The following SLC2A13 variants were observed in gnomAD, a reference collection of about 807,000 sequenced individuals.
SLC2A13 encodes the protein proton myo-inositol cotransporter.
In SLC2A13, 32 loss-of-function variants were observed where a neutral mutation model predicts 64.4. The ratio of observed to expected loss-of-function variants is 0.50; its 90% confidence interval spans 0.37 to 0.67. The LOEUF (loss-of-function observed/expected upper bound fraction) is 0.67. Ranked by LOEUF, SLC2A13 falls within the 30% of genes least tolerant of loss-of-function variation. The probability of loss-of-function intolerance (pLI) is 0.00; values close to 1 mark genes in which losing one functional copy is unlikely to be tolerated. For missense variants in SLC2A13, 743 were observed against 829.2 expected, an observed-to-expected ratio of 0.90 and a Z score of 1.28; for synonymous variants, 338 against 327.1, an observed-to-expected ratio of 1.03 and a Z score of -0.36.
intron 7 of SLC2A13, among the ~76,000 whole-genome samples, chr12:39,775,445 T>G (rs1940741248): frequency 6.6e-6 from 1 of 152,252 alleles, no homozygotes; most frequent in African/African-American, 2.4e-5. Context: ...CTCTGGTCAT[T>G]GTGAAGTTAA....
In SLC2A13 at chr12:39,823,315, C is replaced by T. The variant is rs113913058; in HGVS notation, c.1445+6788G>A. 2.5e-3 allele frequency among the ~76,000 whole-genome samples: 378 copies of T among 152,226 alleles called. 3 individuals are homozygous for T. The highest frequency in any genetic ancestry group is 8.7e-3 in the African/African-American group (361 of 41,526). ...GGAACACAGCTGGAGGTTTTTCTAT[C>T]CCTTATGTGACTAACTGATAAAAAT... On this transcript the variant is annotated intron_variant, in intron 7 of 9. Transcript: ENST00000280871.
At chr12:40,076,193 C>T (rs17489480) in intron 1 of SLC2A13, among the ~76,000 whole-genome samples, 4 of 152,280 alleles carry the variant, frequency 2.6e-5, no homozygotes, top group African/African-American at 9.6e-5. Context: ...CTTAAAAGTG[C>T]AGGTTTGTTA....
chr12:39,950,223 A>G (rs746203316), intron 4 of SLC2A13: 1 of 152,190 alleles, frequency 6.6e-6, no homozygotes, highest in Non-Finnish European at 1.5e-5. Flanking sequence ...ACAGTCACTA[A>G]ATAACTCATC....
chr12:39,904,448 A>G (rs1310573138), intron 4 of SLC2A13, among the ~76,000 whole-genome samples: 4 of 152,254 alleles, frequency 2.6e-5, no homozygotes, highest in African/African-American at 9.6e-5. Context: ...TTCTAAGGAC[A>G]GTAGTCCCAG....
In SLC2A13 at chr12:39,914,124, T is replaced by C. The variant is rs566921763; in HGVS notation, c.1034+37133A>G. Reference sequence around the variant, plus strand: ...AACAAGCAAGAACTAGCAAGAAAAATGACAAAACACTGAAGAGCTGAATGA... The same window carrying C: ...AACAAGCAAGAACTAGCAAGAAAAACGACAAAACACTGAAGAGCTGAATGA... On this transcript the variant is annotated intron_variant, in intron 4 of 9. Coordinates refer to ENST00000280871, the MANE Select transcript of SLC2A13 (RefSeq NM_052885.4). Among the ~76,000 whole-genome samples, 150 of 151,866 alleles carry C rather than the reference T, an allele frequency of 9.9e-4. 3 individuals carry two copies. The highest frequency in any genetic ancestry group is 3.3e-3 in the African/African-American group (138 of 41,364).
chr12:39,876,526 G>A (rs1450419918), intron 4 of SLC2A13, among the ~76,000 whole-genome samples: 4 of 151,810 alleles, frequency 2.6e-5, no homozygotes, highest in Non-Finnish European at 5.9e-5. Flanking sequence ...AAGAAATTAA[G>A]AATAATTATA....
At chr12:39,807,742 T>G (rs146890581) in intron 7 of SLC2A13, among the ~76,000 whole-genome samples, 97 of 152,258 alleles carry the variant, frequency 6.4e-4, no homozygotes, top group African/African-American at 2.2e-3. Flanking sequence ...CCCTTTCAAT[T>G]ATAATAATTA....
chr12:39,931,406 C>T (rs996370182), intron 4 of SLC2A13, among the ~76,000 whole-genome samples: 2 of 152,198 alleles, frequency 1.3e-5, no homozygotes, highest in Admixed American at 6.5e-5. Flanking sequence ...TTTCCAACAG[C>T]CCTATTCGCC....
intron 3 of SLC2A13, among the ~76,000 whole-genome samples, chr12:40,022,894 C>A (rs546202686): frequency 3.9e-5 from 6 of 152,166 alleles, no homozygotes; most frequent in East Asian, 1.9e-4. Context: ...CCCTCCCCCC[C>A]CAAAAAAAGC....
chr12:39,970,871 C>G, intron 3 of SLC2A13, among the ~76,000 whole-genome samples: 1 of 152,156 alleles, frequency 6.6e-6, no homozygotes, highest in East Asian at 1.9e-4. Context: ...GATGCCAGTG[C>G]AAGTATTTTT....
At chr12:39,951,962 T>A (rs1439893513) in intron 3 of SLC2A13, among the ~76,000 whole-genome samples, 3 of 152,106 alleles carry the variant, frequency 2.0e-5, no homozygotes, top group Non-Finnish European at 4.4e-5. Context: ...TATCTATAGA[T>A]GTGTGTATGT....
intron 4 of SLC2A13, among the ~76,000 whole-genome samples, chr12:39,923,690 G>GCGCACACA (rs1945660052): frequency 2.7e-5 from 1 of 36,444 alleles, no homozygotes; most frequent in Non-Finnish European, 1.1e-4. Flanking sequence ...ATATATATGC[G>GCGCACACA]CACGCGCACA....
chr12:39,881,328 T>TA (rs140452416), intron 4 of SLC2A13, among the ~76,000 whole-genome samples: 150 of 147,506 alleles, frequency 1.0e-3, no homozygotes, highest in East Asian at 2.4e-3. Flanking sequence ...TGGTTTATGT[T>TA]AAAAAAAAAA....
At chr12:40,086,166 A>C (rs1938582473) in intron 1 of SLC2A13, among the ~76,000 whole-genome samples, 1 of 152,098 alleles carries the variant, frequency 6.6e-6, no homozygotes, top group Admixed American at 6.6e-5. Flanking sequence ...AAAGAGCAAA[A>C]TCTGGGAAAC....
At chr12:39,964,973 T>A (rs1946482392) in intron 3 of SLC2A13, among the ~76,000 whole-genome samples, 1 of 152,148 alleles carries the variant, frequency 6.6e-6, no homozygotes, top group African/African-American at 2.4e-5. Context: ...GGGAAAAAAA[T>A]TATTAGATAA....
chr12:39,850,092 T>C (rs996441260), intron 6 of SLC2A13, among the ~76,000 whole-genome samples: 5 of 152,142 alleles, frequency 3.3e-5, no homozygotes, highest in African/African-American at 1.2e-4. Context: ...TCATGTTCCC[T>C]GCTTTGGCCT....
At chr12:39,929,738 C>A (rs1193980011) in intron 4 of SLC2A13, among the ~76,000 whole-genome samples, 2 of 151,764 alleles carry the variant, frequency 1.3e-5, no homozygotes, top group Non-Finnish European at 2.9e-5. Context: ...GGGTGTTTCT[C>A]ATTAGGTTTA....
intron 4 of SLC2A13, among the ~76,000 whole-genome samples, chr12:39,925,030 AT>A (rs58902176): frequency 0.079 from 9,376 of 118,708 alleles, 290 homozygotes; most frequent in Admixed American, 0.13. Context: ...CATACAGATA[AT>A]TTTTTTTTTT....
intron 3 of SLC2A13, among the ~76,000 whole-genome samples, chr12:40,006,007 TTCAA>T (rs1256527252): frequency 1.3e-5 from 2 of 152,210 alleles, no homozygotes; most frequent in Non-Finnish European, 2.9e-5. Flanking sequence ...ATTTAATAAT[TTCAA>T]TCAAACAGGG....
Sources: allele counts gnomAD v4.1 joint callset (sites outside exome capture counted in the v4.1 genomes callset), GRCh38; gene constraint gnomAD v4.1.1; transcripts MANE v1.5; gene names NCBI Gene and HGNC (gene_info 2026-07-23, HGNC 2026-07-21).